The following CYRIA variants were observed in gnomAD, a reference collection of about 807,000 sequenced individuals.
CYRIA encodes CYFIP-related Rac1 interactor A.
CYRIA carries 15 observed loss-of-function variants against 43.9 expected under a neutral mutation model. That is an observed-to-expected ratio of 0.34 (90% CI 0.23 to 0.53). CYRIA has a LOEUF of 0.53. CYRIA is among the 20% of genes least tolerant of loss of function. The pLI, the probability that CYRIA is intolerant of heterozygous loss-of-function variation, is 0.94. For synonymous variants in CYRIA, 117 were observed against 136.0 expected (o/e 0.86, Z 0.97); for missense variants, 236 against 394.2 (o/e 0.60, Z 3.40).
rs997812874 is a variant in CYRIA, at chr2:16,610,625, T to C, written c.-11+13239A>G. 2.0e-5 allele frequency among the ~76,000 whole-genome samples: 3 copies of C among 152,024 alleles called. No homozygotes were observed. In the East Asian group the frequency reaches 5.8e-4, roughly 29 times the overall value. Reference sequence around the variant, plus strand: ...TCCTGTTCAGGTACAGATGATAAAGTTGAGACTCAAAAATCCCAAGGCTTC... The same window carrying C: ...TCCTGTTCAGGTACAGATGATAAAGCTGAGACTCAAAAATCCCAAGGCTTC... On this transcript the variant is annotated intron_variant, in intron 2 of 11. Transcript: ENST00000381323.
intron 2 of CYRIA, among the ~76,000 whole-genome samples, chr2:16,622,348 C>T (rs1308871431): frequency 2.0e-5 from 3 of 152,172 alleles, no homozygotes; most frequent in Non-Finnish European, 4.4e-5. Flanking sequence ...GAAAAGGCTT[C>T]TATGGATGAA....
chr2:16,632,321 T>C (rs1669349501), intron 1 of CYRIA, among the ~76,000 whole-genome samples: 1 of 152,190 alleles, frequency 6.6e-6, no homozygotes, highest in Admixed American at 6.5e-5. Context: ...CTGCTAAAAC[T>C]ACCCTGACAA....
chr2:16,579,876 C>G (rs1667488207), intron 3 of CYRIA, among the ~76,000 whole-genome samples: 1 of 151,584 alleles, frequency 6.6e-6, no homozygotes, highest in Admixed American at 6.6e-5. Context: ...ATACTAAGCT[C>G]AAATACAAAC....
At chr2:16,621,463 G>A (rs935447785) in intron 2 of CYRIA, among the ~76,000 whole-genome samples, 1 of 152,152 alleles carries the variant, frequency 6.6e-6, no homozygotes, top group Non-Finnish European at 1.5e-5. Context: ...AAAGATTTTT[G>A]AATGAATGAC....
At chr2:16,591,986 C>G (rs745322823) in intron 2 of CYRIA, among the ~76,000 whole-genome samples, 4 of 152,092 alleles carry the variant, frequency 2.6e-5, no homozygotes, top group South Asian at 2.1e-4. Flanking sequence ...TGTAGCTACA[C>G]TGGTGCACAT....
intron 2 of CYRIA, among the ~76,000 whole-genome samples, chr2:16,616,164 C>T (rs927862178): frequency 1.3e-5 from 2 of 152,116 alleles, no homozygotes; most frequent in Non-Finnish European, 2.9e-5. Context: ...CCTGCTCTGT[C>T]CTTCACGGTG....
intron 1 of CYRIA, among the ~76,000 whole-genome samples, chr2:16,648,584 C>A (rs957615049): frequency 3.3e-5 from 5 of 152,172 alleles, no homozygotes; most frequent in South Asian, 4.1e-4. Flanking sequence ...AATTGATAAA[C>A]CTGTTTATCT....
rs1666714295 is a variant in CYRIA at position 16,561,186 on chromosome 2, T to C, written c.605A>G (p.Asn202Ser). 2 of 1,613,680 alleles carry C rather than the reference T, an allele frequency of 1.2e-6. No homozygotes were observed. Residue 202 changes from asparagine to serine, a missense_variant, in exon 8 of 12, where the codon AAT becomes AGT. By Grantham distance (46) the Asn-to-Ser change is conservative. Coordinates refer to ENST00000381323, the MANE Select transcript of CYRIA (RefSeq NM_030797.4). ...TTCAGAGACAAAGTGCATTGTGGCA[T>C]TGCTAAGGGTTTTCAGCATTGGCGT... is the stretch of plus-strand genomic sequence containing the variant. Reference protein sequence around the residue: ...EATPMLKTLSNATMHFVSENK... With the variant: ...EATPMLKTLSSATMHFVSENK...
intron 3 of CYRIA, among the ~76,000 whole-genome samples, chr2:16,569,312 T>C (rs1490089393): frequency 6.6e-6 from 1 of 152,186 alleles, no homozygotes; most frequent in African/African-American, 2.4e-5. Flanking sequence ...TAAGAAACTG[T>C]TTCTTTTGGC....
At chr2:16,647,426 A>G (rs149610238) in intron 1 of CYRIA, among the ~76,000 whole-genome samples, 167 of 152,230 alleles carry the variant, frequency 1.1e-3, no homozygotes, top group African/African-American at 3.8e-3. Flanking sequence ...CACCTGATTG[A>G]TTATACGCAA....
intron 1 of CYRIA, among the ~76,000 whole-genome samples, chr2:16,654,063 C>G (rs936318588): frequency 4.6e-5 from 7 of 152,102 alleles, no homozygotes; most frequent in Non-Finnish European, 1.0e-4. Context: ...ACTGGGGAAG[C>G]CCAGCCCTGT....
At chr2:16,591,364 G>A (rs540512977) in intron 2 of CYRIA, among the ~76,000 whole-genome samples, 3 of 152,260 alleles carry the variant, frequency 2.0e-5, no homozygotes, top group African/African-American at 7.2e-5. Flanking sequence ...AAGCAAAGAA[G>A]TGTCCCCTTC....
chr2:16,639,132 T>C (rs1026205666), intron 1 of CYRIA, among the ~76,000 whole-genome samples: 1 of 152,224 alleles, frequency 6.6e-6, no homozygotes, highest in African/African-American at 2.4e-5. Flanking sequence ...GCTGTCGCTG[T>C]TACTGTCTGG....
intron 2 of CYRIA, among the ~76,000 whole-genome samples, chr2:16,615,350 C>A (rs1338285590): frequency 6.6e-6 from 1 of 152,198 alleles, no homozygotes; most frequent in Non-Finnish European, 1.5e-5. Flanking sequence ...GTCCCGAAAT[C>A]CGGAGTTCCT....
chr2:16,568,490 G>A lies in CYRIA; in HGVS notation c.71-2723C>T, dbSNP rs552901354. 9.2e-5 allele frequency among the ~76,000 whole-genome samples: 14 copies of A among 152,262 alleles called. No homozygotes were observed. The East Asian group carries it at 1.3e-3, about 15-fold the overall frequency. On this transcript the variant is annotated intron_variant, in intron 3 of 11. Transcript: ENST00000381323. ...TAAAAATCCACAAGCTAGGAGGCCC[G>A]TAACTGGAGAAAGTGTTCTGGTAGA...
chr2:16,560,757 C>G, intron 9 of CYRIA: 1 of 546,260 alleles, frequency 1.8e-6, no homozygotes, highest in Non-Finnish European at 3.3e-6. Context: ...TGCCACCTGA[C>G]AAGCTATGCA....
intron 1 of CYRIA, among the ~76,000 whole-genome samples, chr2:16,646,537 C>T (rs571226139): frequency 9.9e-5 from 15 of 152,160 alleles, no homozygotes; most frequent in Non-Finnish European, 1.9e-4. Context: ...ACCAGAGAAG[C>T]CACGTGCAGT....
At chr2:16,634,804 C>T (rs1008385036) in intron 1 of CYRIA, among the ~76,000 whole-genome samples, 13 of 152,350 alleles carry the variant, frequency 8.5e-5, no homozygotes, top group African/African-American at 2.9e-4. Context: ...CCCAACTTCA[C>T]ATTCAGTGAC....
chr2:16,580,373 A>C (rs1667510264), intron 3 of CYRIA, among the ~76,000 whole-genome samples: 1 of 152,206 alleles, frequency 6.6e-6, no homozygotes, highest in South Asian at 2.1e-4. Context: ...ACCATGTTAA[A>C]CACTAACCAT....
Sources: allele counts gnomAD v4.1 joint callset (sites outside exome capture counted in the v4.1 genomes callset), GRCh38; gene constraint gnomAD v4.1.1; transcripts MANE v1.5; gene names NCBI Gene and HGNC (gene_info 2026-07-23, HGNC 2026-07-21).